CALN1: variants seen among roughly 807,000 people sequenced by gnomAD.
CALN1 encodes calcium-binding protein 8.
A neutral mutation model predicts 30.6 loss-of-function variants in CALN1; 17 were observed. That is an observed-to-expected ratio of 0.56 (90% CI 0.38 to 0.83). The LOEUF is 0.83. Among genes scored for constraint, CALN1 ranks in the 40% least tolerant of loss-of-function variants. The pLI is 0.00. For synonymous variants in CALN1, 156 were observed against 131.4 expected, an observed-to-expected ratio of 1.19 and a Z score of -1.28; for missense variants, 291 against 354.9, an observed-to-expected ratio of 0.82 and a Z score of 1.45.
chr7:72,416,589 G>A (rs940143514), upstream of CALN1, among the ~76,000 whole-genome samples: 8 of 152,132 alleles, frequency 5.3e-5, no homozygotes, highest in African/African-American at 1.9e-4. Flanking sequence ...TCAAAACTTA[G>A]CTGAGCATGG....
chr7:72,386,009 G>A (rs1468091646), intron 2 of CALN1, among the ~76,000 whole-genome samples: 2 of 152,188 alleles, frequency 1.3e-5, no homozygotes. Flanking sequence ...ATATGTAAGT[G>A]AGAGAAGCCA....
intron 4 of CALN1, among the ~76,000 whole-genome samples, chr7:72,074,792 C>A (rs1187803492): frequency 2.0e-5 from 3 of 152,188 alleles, no homozygotes; most frequent in Non-Finnish European, 4.4e-5. Context: ...CATTCACTTA[C>A]TCCACTAATC....
At chr7:72,265,094 G>A (rs1585303660) in intron 3 of CALN1, among the ~76,000 whole-genome samples, 1 of 152,180 alleles carries the variant, frequency 6.6e-6, no homozygotes, top group African/African-American at 2.4e-5. Context: ...GTGCTGGGAT[G>A]ACAGGCATGA....
chr7:71,827,413 GC>G (rs1788979331), intron 5 of CALN1, among the ~76,000 whole-genome samples: 1 of 152,204 alleles, frequency 6.6e-6, no homozygotes, highest in Admixed American at 6.5e-5. Context: ...GCTACATGAT[GC>G]CTATTTTACA....
chr7:72,180,392 C>A (rs779584248), intron 3 of CALN1, among the ~76,000 whole-genome samples: 14 of 152,084 alleles, frequency 9.2e-5, no homozygotes, highest in Non-Finnish European at 1.8e-4. Flanking sequence ...CCTTTCATCT[C>A]ATGGTTTCTT....
intron 2 of CALN1, among the ~76,000 whole-genome samples, chr7:72,296,433 G>A (rs1798863106): frequency 6.6e-6 from 1 of 150,450 alleles, no homozygotes; most frequent in Non-Finnish European, 1.5e-5. Flanking sequence ...GTTTCAGAAG[G>A]AATGGTACCA....
chr7:72,403,721 G>A (rs901025424), intron 1 of CALN1, among the ~76,000 whole-genome samples: 1 of 152,194 alleles, frequency 6.6e-6, no homozygotes. Context: ...ACCCCCGTGG[G>A]CATTGCTGGA....
intron 4 of CALN1, among the ~76,000 whole-genome samples, chr7:72,058,635 T>C (rs113180433): frequency 0.037 from 5,581 of 152,224 alleles, 148 homozygotes; most frequent in South Asian, 0.073. Context: ...CTGGAATCTT[T>C]AGAGAACACC....
chr7:72,238,246 C>A (rs534181207), intron 3 of CALN1, among the ~76,000 whole-genome samples: 27 of 152,194 alleles, frequency 1.8e-4, no homozygotes, highest in Admixed American at 1.7e-3. Flanking sequence ...TTAATATTTC[C>A]ATTTTTTTCT....
At chr7:72,309,019 T>C (rs1298964322) in intron 2 of CALN1, among the ~76,000 whole-genome samples, 5 of 152,204 alleles carry the variant, frequency 3.3e-5, no homozygotes, top group Non-Finnish European at 7.3e-5. Context: ...ATCCCCATTT[T>C]ATAGATGGGG....
At chr7:71,895,877 A>G (rs1309579465) in intron 5 of CALN1, among the ~76,000 whole-genome samples, 1 of 152,160 alleles carries the variant, frequency 6.6e-6, no homozygotes. Flanking sequence ...CACCAATCTA[A>G]TGGTTCCATC....
At chr7:72,074,949 AT>A (rs1804636630) in intron 4 of CALN1, among the ~76,000 whole-genome samples, 1 of 152,274 alleles carries the variant, frequency 6.6e-6, no homozygotes, top group African/African-American at 2.4e-5. Flanking sequence ...TCAAAAACTT[AT>A]TAATTAAATG....
At chr7:71,798,057 GAGAC>G (rs1163018889) in intron 6 of CALN1, among the ~76,000 whole-genome samples, 2 of 149,286 alleles carry the variant, frequency 1.3e-5, no homozygotes, top group Non-Finnish European at 3.0e-5. Context: ...GCAAGAGAGA[GAGAC>G]AGAGAGAGAG....
chr7:71,880,792 C>T (rs1358665761), intron 5 of CALN1, among the ~76,000 whole-genome samples: 1 of 152,188 alleles, frequency 6.6e-6, no homozygotes, highest in Non-Finnish European at 1.5e-5. Context: ...ACAGTTGCTC[C>T]AGTTACTTGC....
intron 2 of CALN1, among the ~76,000 whole-genome samples, chr7:72,368,688 A>G (rs1804029908): frequency 6.6e-6 from 1 of 152,192 alleles, no homozygotes; most frequent in African/African-American, 2.4e-5. Flanking sequence ...AATGACCATT[A>G]AAGAACTCAT....
chr7:72,226,459 C>T (rs919701965), intron 3 of CALN1, among the ~76,000 whole-genome samples: 1 of 152,070 alleles, frequency 6.6e-6, no homozygotes. Flanking sequence ...TAGAAAGCAG[C>T]AGGGAAGGGT....
chr7:72,443,162 C>T (rs778412541), intron 1 of CALN1, among the ~76,000 whole-genome samples: 3 of 152,218 alleles, frequency 2.0e-5, no homozygotes, highest in South Asian at 2.1e-4. Context: ...CTCTCAAGAG[C>T]GTGTGTCACC....
At chr7:71,932,473 T>C (rs1322889140) in intron 5 of CALN1, among the ~76,000 whole-genome samples, 1 of 151,970 alleles carries the variant, frequency 6.6e-6, no homozygotes, top group Non-Finnish European at 1.5e-5. Context: ...GGTGGTAAAA[T>C]GGTTTAAACT....
chr7:72,374,678 C>T (rs901560199), intron 2 of CALN1, among the ~76,000 whole-genome samples: 2 of 152,172 alleles, frequency 1.3e-5, no homozygotes, highest in Middle Eastern at 3.4e-3. Flanking sequence ...GAATGCTTTA[C>T]CCCTAAGATC....
Sources: allele counts gnomAD v4.1 joint callset (sites outside exome capture counted in the v4.1 genomes callset), GRCh38; gene constraint gnomAD v4.1.1; transcripts MANE v1.5; gene names NCBI Gene and HGNC (gene_info 2026-07-23, HGNC 2026-07-21).